Variants in GNAQ observed in about 807,000 individuals in gnomAD.
GNAQ encodes guanine nucleotide-binding protein G(q) subunit alpha.
A neutral mutation model predicts 43.9 loss-of-function variants in GNAQ; 8 were observed. The observed-to-expected ratio is 0.18, with a 90% confidence interval of 0.11 to 0.33. GNAQ has a LOEUF of 0.33. Ranked by LOEUF, GNAQ falls within the 10% of genes least tolerant of loss-of-function variation. GNAQ has a pLI of 1.00. For synonymous variants in GNAQ, 155 were observed against 170.7 expected (o/e 0.91, Z 0.71); for missense variants, 158 against 450.8 (o/e 0.35, Z 5.88).
At chr9:77,900,475 A>G (rs1481700945) in intron 2 of GNAQ, among the ~76,000 whole-genome samples, 1 of 152,144 alleles carries the variant, frequency 6.6e-6, no homozygotes, top group Non-Finnish European at 1.5e-5. Flanking sequence ...CAGGCTGATA[A>G]TATCTACTTG....
intron 4 of GNAQ, among the ~76,000 whole-genome samples, chr9:77,797,036 CTT>C (rs1026985145): frequency 1.1e-4 from 16 of 152,134 alleles, no homozygotes; most frequent in African/African-American, 2.2e-4. Flanking sequence ...ACATCTCTCT[CTT>C]TTGTTTTTTT....
At chr9:77,902,247 G>A (rs75756719) in intron 2 of GNAQ, among the ~76,000 whole-genome samples, 1 of 152,302 alleles carries the variant, frequency 6.6e-6, no homozygotes, top group East Asian at 1.9e-4. Flanking sequence ...TTTGTAAGGA[G>A]TATTTTGTTT....
intron 1 of GNAQ, among the ~76,000 whole-genome samples, chr9:77,954,495 CAA>C (rs1823019292): frequency 6.6e-6 from 1 of 152,156 alleles, no homozygotes; most frequent in Non-Finnish European, 1.5e-5. Context: ...GAGAACGATA[CAA>C]AGAGTCACGC....
At chr9:77,960,713 C>A (rs116949036) in intron 1 of GNAQ, among the ~76,000 whole-genome samples, 1 of 152,002 alleles carries the variant, frequency 6.6e-6, no homozygotes, top group Non-Finnish European at 1.5e-5. Context: ...ATATCATTTA[C>A]AAAAGATGGG....
At chr9:77,775,879 T>G (rs1009484388) in intron 5 of GNAQ, among the ~76,000 whole-genome samples, 9 of 152,104 alleles carry the variant, frequency 5.9e-5, no homozygotes, top group Non-Finnish European at 2.9e-5. Flanking sequence ...GAGCCGAGAA[T>G]GTGCCACTGC....
chr9:77,834,506 C>CT (rs35514699), intron 2 of GNAQ, among the ~76,000 whole-genome samples: 96,619 of 150,812 alleles, frequency 0.64, 32,802 homozygotes, highest in South Asian at 0.8. Flanking sequence ...ACTATTCTTT[C>CT]TTTTTTTTTA....
At chr9:77,773,843 T>G (rs1826265429) in intron 5 of GNAQ, among the ~76,000 whole-genome samples, 2 of 152,252 alleles carry the variant, frequency 1.3e-5, no homozygotes, top group South Asian at 4.1e-4. Context: ...ATCTAGGCTC[T>G]CTGAAGAACA....
intron 2 of GNAQ, among the ~76,000 whole-genome samples, chr9:77,872,390 T>A (rs866443996): frequency 1.3e-5 from 2 of 152,184 alleles, no homozygotes; most frequent in Admixed American, 6.6e-5. Context: ...CAACTGTGGC[T>A]TTCCCTTCCC....
chr9:77,912,008 C>T (rs1828813639), intron 2 of GNAQ, among the ~76,000 whole-genome samples: 1 of 152,180 alleles, frequency 6.6e-6, no homozygotes, highest in South Asian at 2.1e-4. Flanking sequence ...GAACAATTAA[C>T]ACATTTGGAT....
chr9:77,746,072 A>T (rs1825724190), intron 5 of GNAQ, among the ~76,000 whole-genome samples: 1 of 152,204 alleles, frequency 6.6e-6, no homozygotes, highest in African/African-American at 2.4e-5. Context: ...TTTGAAAGGG[A>T]TCATTGGAAG....
chr9:78,023,622 TACAGTAA>T (rs1411718734), intron 1 of GNAQ, among the ~76,000 whole-genome samples: 1 of 151,358 alleles, frequency 6.6e-6, no homozygotes, highest in African/African-American at 2.4e-5. Context: ...CTGTTGCCCC[TACAGTAA>T]AAGAAAATGT....
chr9:77,938,450 A>G (rs1432105443), intron 1 of GNAQ, among the ~76,000 whole-genome samples: 1 of 152,210 alleles, frequency 6.6e-6, no homozygotes, highest in Non-Finnish European at 1.5e-5. Flanking sequence ...GGCATGGCAC[A>G]AACAGTTCAA....
intron 2 of GNAQ, among the ~76,000 whole-genome samples, chr9:77,898,641 A>ATGGC (rs1828542914): frequency 6.6e-6 from 1 of 152,106 alleles, no homozygotes; most frequent in Non-Finnish European, 1.5e-5. Flanking sequence ...GGATGGATGG[A>ATGGC]TGGATGGACA....
chr9:77,718,745 T>TC lies in GNAQ; in HGVS notation c.*2577_*2578insG, dbSNP rs1428714215. The TC allele has an allele frequency of 1.8e-5, 4 of 223,828 alleles. No homozygotes were observed. The highest frequency in any genetic ancestry group is 4.6e-5 in the African/African-American group (2 of 43,792). 13.9% of individuals were successfully genotyped at this position (223,828 alleles called of 1,614,324 possible). On this transcript the variant is annotated 3_prime_UTR_variant, in exon 7 of 7. Transcript: ENST00000286548. ...TGTTTAATTTTTTTTTTTTTTTTTT[T>TC]TTTTTTTGCTGCACCAAATTTAAGA...
intron 3 of GNAQ, among the ~76,000 whole-genome samples, chr9:77,809,066 G>C (rs1338792402): frequency 6.6e-6 from 1 of 152,126 alleles, no homozygotes; most frequent in Non-Finnish European, 1.5e-5. Context: ...AATGCCTTTT[G>C]TTAAATTCAA....
chr9:77,751,881 AG>A (rs1319060728), intron 5 of GNAQ, among the ~76,000 whole-genome samples: 47 of 152,376 alleles, frequency 3.1e-4, no homozygotes, highest in African/African-American at 1.1e-3. Context: ...AACTTCTAAC[AG>A]GAACACAGGA....
intron 5 of GNAQ, among the ~76,000 whole-genome samples, chr9:77,774,023 G>C (rs1345413546): frequency 6.6e-6 from 1 of 151,780 alleles, no homozygotes; most frequent in Non-Finnish European, 1.5e-5. Flanking sequence ...GGAAGACTCA[G>C]ATGGTACTCA....
At chr9:77,786,752 T>A (rs1418085221) in intron 5 of GNAQ, among the ~76,000 whole-genome samples, 1 of 152,204 alleles carries the variant, frequency 6.6e-6, no homozygotes, top group Non-Finnish European at 1.5e-5. Context: ...TGCTCATTTA[T>A]TGTGGAAAAA....
intron 5 of GNAQ, among the ~76,000 whole-genome samples, chr9:77,747,147 A>G (rs1825743326): frequency 6.6e-6 from 1 of 152,194 alleles, no homozygotes; most frequent in Non-Finnish European, 1.5e-5. Flanking sequence ...TCTCTTCTGT[A>G]GCCTTCTATG....
Sources: gnomAD v4.1 joint callset for allele counts (sites outside exome capture counted in the v4.1 genomes callset) on GRCh38, gnomAD v4.1.1 for gene constraint, MANE v1.5 for transcripts, NCBI Gene and HGNC (gene_info 2026-07-23, HGNC 2026-07-21) for gene names.